ZNF263: variants seen among roughly 807,000 people sequenced by gnomAD.
The protein encoded by ZNF263 is zinc finger protein FPM315.
ZNF263 carries 49 observed loss-of-function variants against 63.1 expected under a neutral mutation model. The observed-to-expected ratio is 0.78, with a 90% confidence interval of 0.62 to 0.99. ZNF263 has a LOEUF of 0.99. ZNF263 is among the 50% of genes least tolerant of loss of function. The pLI is 0.00. For synonymous variants in ZNF263, 352 were observed against 324.2 expected (o/e 1.09, Z -0.92); for missense variants, 872 against 854.8 (o/e 1.02, Z -0.25).
downstream of ZNF263, chr16:3,293,241 A>T (rs1056258498): frequency 6.6e-6 from 1 of 152,176 alleles, no homozygotes; most frequent in African/African-American, 2.4e-5. Flanking sequence ...GATGGTTTTA[A>T]AAGTGTAACA....
In ZNF263 at chr16:3,299,177, C is replaced by G. The variant is rs750024592; in HGVS notation, c.*46+21C>G. On this transcript the variant is annotated intron_variant, in intron 2 of 2. Transcript: ENST00000574674. ...AGAAGGTAGTCCAAACTCTCTCTTA[C>G]AGCAGATAATTTAAATTCAGCAGTC... The G allele has an allele frequency of 5.9e-5, 94 of 1,587,642 alleles. No homozygotes were observed. In the Middle Eastern group the frequency reaches 1.0e-3, roughly 17 times the overall value.
chr16:3,288,638 T>G, intron 5 of ZNF263, 68 bp downstream of exon 5: 1 of 1,282,034 alleles, frequency 7.8e-7, no homozygotes, highest in Non-Finnish European at 1.1e-6. Context: ...GTGAGGCATT[T>G]TTTGGTTTTG....
downstream of ZNF263, among the ~76,000 whole-genome samples, chr16:3,294,824 A>T (rs762403434): frequency 1.3e-5 from 2 of 152,204 alleles, no homozygotes; most frequent in African/African-American, 4.8e-5. Context: ...AGCATCCCCA[A>T]CGTGCTCCAA....
At chr16:3,288,375 G>C (rs1959460525) in intron 4 of ZNF263, 79 bp from the exon 5 acceptor site, 2 of 1,011,182 alleles carry the variant, frequency 2.0e-6, no homozygotes, top group African/African-American at 3.2e-5. Flanking sequence ...TATCCACTGA[G>C]GGCAGGGAAC....
At chr16:3,299,090 G>A (rs781307955) in intron 1 of ZNF263, 21 of 1,424,576 alleles carry the variant, frequency 1.5e-5, no homozygotes. Flanking sequence ...ACTATTTCTT[G>A]TTGCATCTCT....
Position 3,300,611 on chromosome 16 carries a change from T to A in ZNF263, c.*47-302T>A, listed in dbSNP as rs150050451. On this transcript the variant is annotated intron_variant, in intron 2 of 2. Transcript: ENST00000574674. ...AGTGTTGTATATTTCCCTCTCTTAT[T>A]CATACTGAATTTAACTCTGAACCAC... 34 of 1,557,282 alleles carry A rather than the reference T, an allele frequency of 2.2e-5. No homozygotes were observed. In the Middle Eastern group the frequency reaches 5.2e-4, roughly 24 times the overall value.
intron 5 of ZNF263, 43 bp downstream of exon 5, chr16:3,288,613 C>T (rs765161698): frequency 2.0e-6 from 3 of 1,464,224 alleles, no homozygotes; most frequent in East Asian, 2.3e-5. Flanking sequence ...AGCAGCAAGG[C>T]TCTTGCAGTT....
At chr16:3,294,706 A>G (rs531446802), downstream of ZNF263, among the ~76,000 whole-genome samples, 5 of 152,294 alleles carry the variant, frequency 3.3e-5, no homozygotes, top group African/African-American at 9.6e-5. Flanking sequence ...AAAATGACTC[A>G]GATCACAAAA....
downstream of ZNF263, among the ~76,000 whole-genome samples, chr16:3,294,432 A>T (rs954978572): frequency 1.3e-5 from 2 of 152,200 alleles, no homozygotes; most frequent in Non-Finnish European, 2.9e-5. Flanking sequence ...TTAATTTTGG[A>T]GGTCAGGAAC....
In ZNF263 at chr16:3,284,092, A is replaced by G. The variant is rs1036913796; in HGVS notation, c.274A>G (p.Ile92Val). 1 of 1,613,326 alleles carries G rather than the reference A, an allele frequency of 6.2e-7. No homozygotes were observed. Among genetic ancestry groups the G allele is most frequent in the African/African-American group, 1.3e-5 (1 of 75,048 alleles). The change falls in exon 1 of 6, where the codon ATC (isoleucine) becomes GTC (valine). Residue 92 changes from isoleucine (I) to valine (V), a missense_variant. Coordinates refer to ENST00000219069, the MANE Select transcript of ZNF263 (RefSeq NM_005741.5). The part of the protein sequence containing the change: ...ELLVLEQFLT[I>V]LPQEIQSRVQ... ...GCTGGTGTTAGAGCAGTTCCTGACC[A>G]TCCTGCCCCAGGAGATCCAGAGCAG...
chr16:3,291,484 C>T (rs1363939430), downstream of ZNF263: 2 of 985,254 alleles, frequency 2.0e-6, no homozygotes, highest in Admixed American at 1.2e-4. Context: ...TCAATGAAAG[C>T]CTCTGTCTAG....
chr16:3,299,741 A>G (rs1416130757), intron 2 of ZNF263: 1 of 1,541,662 alleles, frequency 6.5e-7, no homozygotes, highest in Non-Finnish European at 8.7e-7. Context: ...AGAAGTAACA[A>G]TGCCCTGACG....
At chr16:3,300,390 G>A in intron 2 of ZNF263, 2 of 1,614,122 alleles carry the variant, frequency 1.2e-6, no homozygotes, top group Non-Finnish European at 8.5e-7. Flanking sequence ...CACCATATTT[G>A]GCTCCCGTTG....
Position 3,285,081 on chromosome 16 carries a change from C to T in ZNF263, c.410C>T (p.Thr137Ile). 2 of 1,614,150 alleles carry T rather than the reference C, an allele frequency of 1.2e-6. No individual in the cohort carries two copies. Among genetic ancestry groups the T allele is most frequent in the Non-Finnish European group, 1.7e-6 (2 of 1,180,034 alleles). The change falls in exon 2 of 6, where the codon ACA (threonine) becomes ATA (isoleucine). Residue 137 changes from threonine (T) to isoleucine (I), a missense_variant. By Grantham distance (89) the Thr-to-Ile change is moderately conservative. Transcript: ENST00000219069. ...RQQVTNHGRG[T>I]EVLLEEPLPL... ...CAGGTCACAAACCATGGGCGGGGAACAGAAGTGCTTTTGGAGGAGCCTTTG... is the reference window on the plus strand; with the variant it reads ...CAGGTCACAAACCATGGGCGGGGAATAGAAGTGCTTTTGGAGGAGCCTTTG...
intron 4 of ZNF263, 28 bp from the exon 5 acceptor site, chr16:3,288,426 A>G: frequency 6.4e-7 from 1 of 1,555,764 alleles, no homozygotes; most frequent in Non-Finnish European, 8.9e-7. Context: ...GTGGCAGTAC[A>G]GAAATCTGTT....
At chr16:3,299,357 A>C (rs1436859180) in intron 2 of ZNF263, 1 of 1,590,288 alleles carries the variant, frequency 6.3e-7, no homozygotes, top group East Asian at 2.3e-5. Context: ...ATTTCTCTAT[A>C]ATCCCCATGT....
downstream of ZNF263, among the ~76,000 whole-genome samples, chr16:3,294,169 C>T (rs1959687480): frequency 1.3e-5 from 2 of 152,354 alleles, no homozygotes; most frequent in African/African-American, 2.4e-5. Flanking sequence ...TCGTGATCTG[C>T]CCGCCTCGGC....
At chr16:3,284,246 G>T in intron 1 of ZNF263, 41 bp downstream of exon 1, 1 of 1,487,548 alleles carries the variant, frequency 6.7e-7, no homozygotes. Context: ...GGTTTGTTTA[G>T]CCCTGAGCAC....
rs993018733 is a variant in ZNF263 at position 3,289,736 on chromosome 16, C to T, written c.1230C>T (p.Asp410=). 1.9e-6 allele frequency: 3 copies of T among 1,614,078 alleles called. No homozygotes were observed. The highest frequency in any genetic ancestry group is 4.5e-5 in the East Asian group (2 of 44,890). ...CTGAAAGACTGTGTATGGGTGTGGA[C>T]TGCACTGAAATCTTTGGTGGGAACC... ...HAAERLCMGV[D]CTEIFGGNPR... The change falls in exon 6 of 6, where the codon GAC becomes GAT. Residue 410 remains aspartate (D), a synonymous_variant. Coordinates refer to ENST00000219069, the MANE Select transcript of ZNF263 (RefSeq NM_005741.5).
Sources: gnomAD v4.1 joint callset for allele counts (sites outside exome capture counted in the v4.1 genomes callset) on GRCh38, gnomAD v4.1.1 for gene constraint, MANE v1.5 for transcripts, NCBI Gene and HGNC (gene_info 2026-07-23, HGNC 2026-07-21) for gene names.